The following MAEA variants were observed in gnomAD, a reference collection of about 807,000 sequenced individuals.
MAEA encodes E3 ubiquitin-protein transferase MAEA.
Under a neutral mutation model 46.2 loss-of-function variants are expected in MAEA, and 22 were observed. The ratio of observed to expected loss-of-function variants is 0.48; its 90% CI spans 0.34 to 0.68. The LOEUF (loss-of-function observed/expected upper bound fraction) is 0.68, where lower values mean the gene tolerates loss of function less well. Among genes scored for constraint, MAEA ranks in the 30% least tolerant of loss-of-function variants. The pLI is 0.01. For synonymous variants in MAEA, 246 were observed against 222.6 expected (o/e 1.11, Z -0.94); for missense variants, 393 against 558.1 (o/e 0.70, Z 2.98).
In MAEA at chr4:1,339,534, G is replaced by A. The variant is rs892000615; in HGVS notation, c.*365G>A. 3.7e-5 allele frequency: 10 copies of A among 273,482 alleles called. No homozygotes were observed. Among genetic ancestry groups the A allele is most frequent in the Admixed American group, 3.0e-4 (6 of 19,718 alleles). The allele number at this position is 273,482 out of a possible 1,614,324, so 16.9% of individuals were successfully genotyped here. A position where few individuals can be genotyped will look rare whatever the true frequency, so the allele number is the denominator to read the frequency against. On this transcript the variant is annotated 3_prime_UTR_variant, in exon 9 of 9. Coordinates refer to ENST00000303400, the MANE Select transcript of MAEA (RefSeq NM_001017405.3). Reference sequence around the variant, plus strand: ...TTTCAGTTTCTTTCCTTCTGTGAACGATGAGACTTGGAGAACGGGCTGGTC... The same window carrying A: ...TTTCAGTTTCTTTCCTTCTGTGAACAATGAGACTTGGAGAACGGGCTGGTC...
chr4:1,327,434 C>G (rs1738988967), intron 4 of MAEA, among the ~76,000 whole-genome samples, 193 bp from the exon 5 acceptor site: 1 of 152,224 alleles, frequency 6.6e-6, no homozygotes, highest in African/African-American at 2.4e-5. Flanking sequence ...CATTCAGAAC[C>G]CAGTGTTCCC....
At chr4:1,295,814 C>CA (rs1320634278) in intron 1 of MAEA, among the ~76,000 whole-genome samples, 9 of 102,630 alleles carry the variant, frequency 8.8e-5, no homozygotes, top group South Asian at 4.3e-4. Context: ...GCCTGTGCCC[C>CA]CTCACCCACG....
At chr4:1,314,396 A>C (rs1736875870) in intron 2 of MAEA, among the ~76,000 whole-genome samples, 1 of 152,246 alleles carries the variant, frequency 6.6e-6, no homozygotes, top group African/African-American at 2.4e-5. Context: ...CAAAAATGAA[A>C]AACTCAACAT....
chr4:1,338,166 C>A (rs1018974256), intron 7 of MAEA: 3 of 455,048 alleles, frequency 6.6e-6, no homozygotes, highest in African/African-American at 5.9e-5. Context: ...GGCGACGGAG[C>A]CACTCTGTGC....
chr4:1,324,100 A>C (rs1577208561), intron 4 of MAEA, among the ~76,000 whole-genome samples: 1 of 150,574 alleles, frequency 6.6e-6, no homozygotes, highest in South Asian at 2.1e-4. Flanking sequence ...TGCCTGGTGG[A>C]TGAGTGTGCC....
chr4:1,294,621 G>T (rs1484347124), intron 1 of MAEA, among the ~76,000 whole-genome samples: 1 of 151,704 alleles, frequency 6.6e-6, no homozygotes, highest in Non-Finnish European at 1.5e-5. Flanking sequence ...GCCTCCATCG[G>T]CCAGGTACGG....
intron 1 of MAEA, among the ~76,000 whole-genome samples, chr4:1,305,079 C>T (rs1735703204): frequency 6.6e-6 from 1 of 152,200 alleles, no homozygotes; most frequent in Admixed American, 6.5e-5. Context: ...CTTCTCTTCA[C>T]CATCTTATTT....
intron 1 of MAEA, among the ~76,000 whole-genome samples, chr4:1,298,669 C>T (rs779192725): frequency 3.3e-5 from 5 of 152,146 alleles, no homozygotes; most frequent in African/African-American, 9.7e-5. Context: ...GCGCCATCCT[C>T]GCGTTTCCCC....
chr4:1,338,865 C>T (rs1285239118), intron 8 of MAEA: 1 of 651,630 alleles, frequency 1.5e-6, no homozygotes, highest in East Asian at 2.7e-5. Context: ...TCTCGCCCCA[C>T]CCTGCCTTAG....
intron 5 of MAEA, 95 bp downstream of exon 5, chr4:1,327,798 G>A (rs1009746402): frequency 3.2e-5 from 28 of 875,612 alleles, no homozygotes; most frequent in Admixed American, 1.9e-4. Flanking sequence ...GTCCTGGGAC[G>A]TCCCCTGGGT....
chr4:1,290,395 C>T (rs979315238), intron 1 of MAEA, among the ~76,000 whole-genome samples: 11 of 152,166 alleles, frequency 7.2e-5, no homozygotes, highest in African/African-American at 2.2e-4. Flanking sequence ...GTGCCGGCTG[C>T]GCCGGTCGCT....
rs1424783804 is a variant in MAEA, at chr4:1,315,454, G to A, written c.310G>A (p.Glu104Lys). The A allele has an allele frequency of 1.2e-6, 2 of 1,613,830 alleles. No individual in the cohort carries two copies. The highest frequency in any genetic ancestry group is 1.7e-6 in the Non-Finnish European group (2 of 1,180,002). The change falls in exon 3 of 9, where the codon GAG becomes AAG. Residue 104 changes from glutamate to lysine, a missense_variant. Glu to Lys is a moderately conservative substitution (Grantham distance 56). Around this residue, in one of 2 missense-constraint regions of MAEA, gnomAD observed 358 missense variants for 537.9 expected, o/e 0.67. Transcript: ENST00000303400. ...ESAKLCKRRI[E>K]HLKEHSSDQP... The stretch of plus-strand genomic sequence containing the variant: ...CGCCAAGCTGTGCAAGCGCCGGATC[G>A]AGCACCTCAAAGAGCATAGCAGCGA...
At chr4:1,337,212 G>A (rs752926016) in intron 7 of MAEA, 61 of 576,546 alleles carry the variant, frequency 1.1e-4, no homozygotes, top group Non-Finnish European at 1.5e-4. Context: ...GAAGTGGCGC[G>A]CTTCCTCTCT....
intron 1 of MAEA, among the ~76,000 whole-genome samples, chr4:1,306,407 C>T (rs1227269968): frequency 6.6e-6 from 1 of 152,122 alleles, no homozygotes; most frequent in Non-Finnish European, 1.5e-5. Flanking sequence ...CCTAGCTACT[C>T]AGGAGGCTGA....
At chr4:1,330,072 C>G in intron 5 of MAEA, 1 of 985,526 alleles carries the variant, frequency 1.0e-6, no homozygotes, top group Non-Finnish European at 1.2e-6. Flanking sequence ...GGGGTGGCTG[C>G]AGCTCCGCCC....
chr4:1,297,585 T>G (rs2108862502), intron 1 of MAEA, among the ~76,000 whole-genome samples: 2 of 152,320 alleles, frequency 1.3e-5, no homozygotes, highest in Admixed American at 1.3e-4. Flanking sequence ...TGGTTTCCTT[T>G]GCAGCACTCG....
At chr4:1,333,671 C>A (rs1258390729) in intron 6 of MAEA, among the ~76,000 whole-genome samples, 1 of 126,568 alleles carries the variant, frequency 7.9e-6, no homozygotes, top group African/African-American at 3.0e-5. Flanking sequence ...CGTGCCCACC[C>A]CTGCACCCAC....
At position 1,316,661 on chromosome 4, in the gene MAEA, G is replaced by T. The variant is rs1009012734; in HGVS notation, c.456+1061G>T. On this transcript the variant is annotated intron_variant, in intron 3 of 8. Transcript: ENST00000303400. ...AACCAGGGGTCTTCTCTCTTTCCACGGCTTAAATCCCACCCACATGTGTGT... is the reference window on the plus strand; with the variant it reads ...AACCAGGGGTCTTCTCTCTTTCCACTGCTTAAATCCCACCCACATGTGTGT... 4.1e-4 allele frequency among the ~76,000 whole-genome samples: 62 copies of T among 152,028 alleles called. 2 individuals carry two copies.
chr4:1,309,675 A>C, intron 1 of MAEA: 1 of 1,531,624 alleles, frequency 6.5e-7, no homozygotes. Flanking sequence ...ACTGGCAGGG[A>C]GGTGGGGTCT....
Sources: gnomAD v4.1 joint callset for allele counts (sites outside exome capture counted in the v4.1 genomes callset) on GRCh38, gnomAD v4.1.1 for gene constraint, gnomAD v4.1.1 regional missense constraint, MANE v1.5 for transcripts, NCBI Gene and HGNC (gene_info 2026-07-23, HGNC 2026-07-21) for gene names.